Variants in TG observed in about 807,000 individuals in gnomAD.
The protein encoded by TG is thyroid hormones.
In TG, 270 loss-of-function variants were observed where a neutral mutation model predicts 324.7. The ratio of observed to expected loss-of-function variants is 0.83; its 90% CI spans 0.75 to 0.92. The LOEUF (loss-of-function observed/expected upper bound fraction) is 0.92. Among genes scored for constraint, TG ranks in the 40% least tolerant of loss-of-function variants. TG has a pLI of 0.00. For missense variants in TG, 3,591 were observed against 3,456.4 expected (o/e 1.04, Z -0.98); for synonymous variants, 1,401 against 1,327.0 (o/e 1.06, Z -1.21).
At chr8:132,942,959 G>A (rs1824666782) in intron 26 of TG, among the ~76,000 whole-genome samples, 1 of 152,190 alleles carries the variant, frequency 6.6e-6, no homozygotes, top group African/African-American at 2.4e-5. Context: ...GAGACATGGA[G>A]CTGATCAGGA....
intron 45 of TG, among the ~76,000 whole-genome samples, chr8:133,127,378 C>T (rs566468907): frequency 1.3e-5 from 2 of 152,124 alleles, no homozygotes; most frequent in Non-Finnish European, 2.9e-5. Flanking sequence ...CCCTGCAGGT[C>T]CTCAGCAGCA....
At chr8:132,917,116 A>T (rs1820450289) in intron 20 of TG, among the ~76,000 whole-genome samples, 1 of 141,108 alleles carries the variant, frequency 7.1e-6, no homozygotes, top group African/African-American at 2.7e-5. Flanking sequence ...CTTTCCTGTC[A>T]TCCATCCGAA....
intron 33 of TG, 91 bp from the exon 34 acceptor site, chr8:132,972,507 T>G: frequency 6.9e-7 from 1 of 1,452,380 alleles, no homozygotes; most frequent in Non-Finnish European, 9.5e-7. Flanking sequence ...TGCTGAACAA[T>G]GTACTTGCAG....
intron 20 of TG, among the ~76,000 whole-genome samples, chr8:132,917,657 A>G (rs573449217): frequency 2.0e-5 from 3 of 151,884 alleles, no homozygotes; most frequent in Non-Finnish European, 2.9e-5. Flanking sequence ...AGCTGGAGAG[A>G]GAGAGGACCA....
chr8:133,107,597 G>T (rs1849913067), intron 43 of TG, among the ~76,000 whole-genome samples: 1 of 152,226 alleles, frequency 6.6e-6, no homozygotes, highest in Non-Finnish European at 1.5e-5. Context: ...TGTGTCCCAG[G>T]TCTTGCTGAA....
chr8:133,002,055 A>G, intron 35 of TG: 1 of 985,444 alleles, frequency 1.0e-6, no homozygotes, highest in Non-Finnish European at 1.2e-6. Context: ...TGATCTTTTT[A>G]TACAATAAAT....
At position 132,967,881 on chromosome 8, in the gene TG, C is replaced by G. The variant is rs544871977; in HGVS notation, c.5774C>G (p.Ala1925Gly). ...TTCACCTGCACCCTCTACCCAGAGG[C>G]ACAGGTGTGTGATGACATCATGGAG... ...LYFTCTLYPE[A>G]QVCDDIMESN... The change falls in exon 31 of 48, where the codon GCA (alanine) becomes GGA (glycine). Residue 1925 changes from alanine to glycine, a missense_variant. Transcript: ENST00000220616. 6.2e-7 allele frequency: 1 copy of G among 1,613,996 alleles called. No homozygotes were observed. The highest frequency in any genetic ancestry group is 2.2e-5 in the East Asian group (1 of 44,870).
chr8:133,134,388 A>G lies in TG; in HGVS notation c.8189-288A>G, dbSNP rs576082394. ...CAGAGAAATGGGAGTAGTCCGTTAA[A>G]CAGGGAAGGGATCTTGTCCAGCTAT... On this transcript the variant is annotated intron_variant, in intron 47 of 47. Coordinates refer to ENST00000220616, the MANE Select transcript of TG (RefSeq NM_003235.5). 2.0e-5 allele frequency among the ~76,000 whole-genome samples: 3 copies of G among 152,174 alleles called. No homozygotes were observed. In the South Asian group the frequency reaches 6.2e-4, roughly 32 times the overall value.
chr8:133,020,177 T>C (rs146372250), intron 39 of TG, among the ~76,000 whole-genome samples: 1 of 152,230 alleles, frequency 6.6e-6, no homozygotes, highest in Non-Finnish European at 1.5e-5. Flanking sequence ...GGCTCATCCC[T>C]GTCGCCGTGT....
At chr8:133,001,913 C>T (rs1833549190) in intron 35 of TG, 1 of 985,438 alleles carries the variant, frequency 1.0e-6, no homozygotes, top group Non-Finnish European at 1.2e-6. Context: ...CAGGAGCAAT[C>T]ACTTGATGAG....
At chr8:133,113,127 G>T (rs1024507684) in intron 43 of TG, among the ~76,000 whole-genome samples, 2 of 152,162 alleles carry the variant, frequency 1.3e-5, no homozygotes, top group Non-Finnish European at 2.9e-5. Flanking sequence ...CCTTAACAGA[G>T]CACTTATTAA....
chr8:132,960,968 GCA>G (rs1330470253), intron 27 of TG, 38 bp from the exon 28 acceptor site: 2 of 1,597,020 alleles, frequency 1.3e-6, no homozygotes, highest in African/African-American at 2.7e-5. Flanking sequence ...CCCAGTGACA[GCA>G]CACTCAAGCT....
rs1298497858 is a variant in TG, at chr8:132,886,438, T to C, written c.1076-10T>C. The stretch of plus-strand genomic sequence containing the variant: ...AAACCTTTTCTCCCATTTCACTTTG[T>C]CTCATGCAGCTGAAGGCCAATCTTG... On this transcript the variant is annotated splice_polypyrimidine_tract_variant and intron_variant, in intron 8 of 47. Transcript: ENST00000220616. 8 of 1,614,034 alleles carry C rather than the reference T, an allele frequency of 5.0e-6. No homozygotes were observed. The highest frequency in any genetic ancestry group is 6.8e-6 in the Non-Finnish European group (8 of 1,180,014).
chr8:132,937,396 G>T (rs1823764549), intron 25 of TG, among the ~76,000 whole-genome samples: 1 of 152,178 alleles, frequency 6.6e-6, no homozygotes, highest in Non-Finnish European at 1.5e-5. Flanking sequence ...TTTCCCTGTG[G>T]TCCTTCTTTC....
intron 45 of TG, among the ~76,000 whole-genome samples, chr8:133,127,916 G>A (rs543211140): frequency 2.0e-5 from 3 of 151,942 alleles, no homozygotes; most frequent in Admixed American, 6.6e-5. Context: ...GCCCTTCCTC[G>A]CCTCATCCAC....
rs951039142 is a variant in TG, at chr8:133,022,210, C to T, written c.7036+60C>T. ...CCTGAGCCAAGGCTCAGCCCCTTTT[C>T]CCCAAGACCCATCCCCTCACTGCCC... is the stretch of plus-strand genomic sequence containing the variant. On this transcript the variant is annotated intron_variant, in intron 40 of 47. Transcript: ENST00000220616. 6 of 1,609,364 alleles carry T rather than the reference C, an allele frequency of 3.7e-6. 1 individual carries two copies. The highest frequency in any genetic ancestry group is 2.2e-5 in the South Asian group (2 of 90,886).
intron 35 of TG, among the ~76,000 whole-genome samples, chr8:132,992,119 C>T (rs1832416722): frequency 6.6e-6 from 1 of 152,090 alleles, no homozygotes; most frequent in African/African-American, 2.4e-5. Context: ...GTTGCTTATT[C>T]ATTCAACAAG....
chr8:133,110,709 A>G (rs940408043), intron 43 of TG, among the ~76,000 whole-genome samples: 3 of 152,192 alleles, frequency 2.0e-5, no homozygotes, highest in Non-Finnish European at 1.5e-5. Flanking sequence ...TGTGAAATAG[A>G]TTTTACTTAA....
intron 34 of TG, among the ~76,000 whole-genome samples, chr8:132,981,657 G>A (rs566454455): frequency 2.0e-5 from 3 of 152,336 alleles, no homozygotes; most frequent in Non-Finnish European, 2.9e-5. Context: ...CAACAGCAGC[G>A]CTGGGGAACT....
Sources: gnomAD v4.1 joint callset for allele counts (sites outside exome capture counted in the v4.1 genomes callset) on GRCh38, gnomAD v4.1.1 for gene constraint, MANE v1.5 for transcripts, NCBI Gene and HGNC (gene_info 2026-07-23, HGNC 2026-07-21) for gene names.